FOXN3: variants seen among roughly 807,000 people sequenced by gnomAD.
FOXN3 encodes forkhead box protein N3.
In FOXN3, 7 loss-of-function variants were observed where a neutral mutation model predicts 38.4. That is an observed-to-expected ratio of 0.18 (90% confidence interval 0.10 to 0.34). The LOEUF is 0.34. Ranked by LOEUF, FOXN3 falls within the 10% of genes least tolerant of loss-of-function variation. The pLI, the probability that FOXN3 is intolerant of heterozygous loss-of-function variation, is 1.00. For synonymous variants in FOXN3, 230 were observed against 242.2 expected, an observed-to-expected ratio of 0.95 and a Z score of 0.47; for missense variants, 456 against 613.4, an observed-to-expected ratio of 0.74 and a Z score of 2.71.
chr14:89,433,659 C>T (rs1240917702), intron 1 of FOXN3, among the ~76,000 whole-genome samples: 2 of 151,494 alleles, frequency 1.3e-5, no homozygotes, highest in African/African-American at 4.8e-5. Flanking sequence ...AAAAAATTAG[C>T]CAGGCGTGGT....
chr14:89,497,101 C>A (rs1893701630), intron 1 of FOXN3, among the ~76,000 whole-genome samples: 1 of 151,430 alleles, frequency 6.6e-6, no homozygotes, highest in African/African-American at 2.4e-5. Context: ...ATTACAGGCG[C>A]CCACCACCAC....
At chr14:89,363,963 TA>T (rs1439435626) in intron 2 of FOXN3, among the ~76,000 whole-genome samples, 1 of 27,086 alleles carries the variant, frequency 3.7e-5, no homozygotes, top group African/African-American at 1.1e-4. Context: ...TATATATATA[TA>T]TATATATATA....
At chr14:89,308,039 C>T (rs60209336) in intron 3 of FOXN3, among the ~76,000 whole-genome samples, 1,640 of 152,210 alleles carry the variant, frequency 0.011, 22 homozygotes, top group African/African-American at 0.037. Context: ...CCGAGGTGGG[C>T]GGATCATCTG....
chr14:89,199,175 C>T (rs1888172672), intron 4 of FOXN3, among the ~76,000 whole-genome samples: 1 of 152,018 alleles, frequency 6.6e-6, no homozygotes, highest in Non-Finnish European at 1.5e-5. Flanking sequence ...AAGAAGTTGC[C>T]CGAGTGAGCA....
chr14:89,254,986 T>A (rs974511138), intron 4 of FOXN3, among the ~76,000 whole-genome samples: 3 of 152,148 alleles, frequency 2.0e-5, no homozygotes, highest in Non-Finnish European at 4.4e-5. Context: ...TTCAGAGCTT[T>A]TTTTATTCCC....
At chr14:89,552,720 G>A (rs1456492704) in intron 1 of FOXN3, among the ~76,000 whole-genome samples, 3 of 152,088 alleles carry the variant, frequency 2.0e-5, no homozygotes, top group Non-Finnish European at 4.4e-5. Context: ...TTAGCTGAGC[G>A]TGGTGGCATG....
chr14:89,267,730 T>C (rs1194848027), intron 4 of FOXN3, among the ~76,000 whole-genome samples: 2 of 152,148 alleles, frequency 1.3e-5, no homozygotes, highest in Non-Finnish European at 2.9e-5. Context: ...TCACAATGAA[T>C]CTAAAATGCA....
chr14:89,306,346 AC>A (rs1887373646), intron 3 of FOXN3, among the ~76,000 whole-genome samples: 2 of 150,248 alleles, frequency 1.3e-5, no homozygotes, highest in Admixed American at 1.3e-4. Flanking sequence ...ACACACACAC[AC>A]ACACACACTT....
At chr14:89,606,990 A>G (rs28569176) in intron 1 of FOXN3, among the ~76,000 whole-genome samples, 3,368 of 152,322 alleles carry the variant, frequency 0.022, 119 homozygotes, top group African/African-American at 0.076. Flanking sequence ...TGACCAATAA[A>G]CATAAGATGC....
At chr14:89,310,693 AT>A (rs1289867461) in intron 3 of FOXN3, among the ~76,000 whole-genome samples, 2 of 152,202 alleles carry the variant, frequency 1.3e-5, no homozygotes, top group African/African-American at 4.8e-5. Flanking sequence ...TGGGCACCAT[AT>A]ATACCACACT....
chr14:89,600,007 T>G (rs1459828340), intron 1 of FOXN3, among the ~76,000 whole-genome samples: 1 of 152,212 alleles, frequency 6.6e-6, no homozygotes, highest in East Asian at 1.9e-4. Context: ...TTCTACCACT[T>G]CTTACTCACC....
intron 4 of FOXN3, among the ~76,000 whole-genome samples, chr14:89,220,538 G>A (rs909631851): frequency 2.0e-5 from 3 of 152,084 alleles, no homozygotes; most frequent in African/African-American, 4.8e-5. Flanking sequence ...ATACACACAC[G>A]GCTCTTTCCA....
intron 3 of FOXN3, among the ~76,000 whole-genome samples, chr14:89,328,301 C>G (rs530962733): frequency 4.7e-4 from 71 of 152,312 alleles, no homozygotes; most frequent in Admixed American, 1.0e-3. Context: ...ACATTCCCAC[C>G]AGCAGCCCTG....
rs570051514 is a variant in FOXN3, at chr14:89,496,144, C to T, written c.-14-83654G>A. ...AGGCGAATCTCTTGAACCCGGGAGGCGGAGGTTGCAGTGAGCTGAGATGGC... is the reference window on the plus strand; with the variant it reads ...AGGCGAATCTCTTGAACCCGGGAGGTGGAGGTTGCAGTGAGCTGAGATGGC... On this transcript the variant is annotated intron_variant, in intron 1 of 6. Transcript: ENST00000345097. Among the ~76,000 whole-genome samples, 11 of 152,136 alleles carry T rather than the reference C, an allele frequency of 7.2e-5. No homozygotes were observed. In the East Asian group the frequency reaches 1.2e-3, roughly 16 times the overall value.
intron 4 of FOXN3, among the ~76,000 whole-genome samples, chr14:89,242,463 G>T (rs901483441): frequency 1.3e-5 from 2 of 152,052 alleles, no homozygotes; most frequent in African/African-American, 2.4e-5. Flanking sequence ...CTGAGACAAA[G>T]AATTACTATA....
chr14:89,514,046 G>A (rs553085094), intron 1 of FOXN3, among the ~76,000 whole-genome samples: 10 of 152,194 alleles, frequency 6.6e-5, no homozygotes, highest in Non-Finnish European at 1.0e-4. Context: ...CAGGATGCAA[G>A]TGGCTAATGC....
intron 3 of FOXN3, among the ~76,000 whole-genome samples, chr14:89,317,362 G>A (rs1367532238): frequency 1.3e-5 from 2 of 152,198 alleles, no homozygotes; most frequent in African/African-American, 2.4e-5. Context: ...AGAGTTCTGG[G>A]TGTTAGTGCT....
intron 4 of FOXN3, among the ~76,000 whole-genome samples, chr14:89,267,524 T>A (rs1384800752): frequency 6.6e-6 from 1 of 152,208 alleles, no homozygotes. Flanking sequence ...TAGTCTAGCA[T>A]GCCTTTGCAT....
intron 4 of FOXN3, among the ~76,000 whole-genome samples, chr14:89,224,144 T>C (rs1884556809): frequency 6.6e-6 from 1 of 151,796 alleles, no homozygotes; most frequent in Non-Finnish European, 1.5e-5. Context: ...AGGTGTAACA[T>C]ACTTATGAGC....
Sources: allele counts gnomAD v4.1 joint callset (sites outside exome capture counted in the v4.1 genomes callset), GRCh38; gene constraint gnomAD v4.1.1; transcripts MANE v1.5; gene names NCBI Gene and HGNC (gene_info 2026-07-23, HGNC 2026-07-21).